Variants in ARHGEF10 observed in about 807,000 individuals in gnomAD.
ARHGEF10 encodes the protein Rho guanine nucleotide exchange factor 10.
Under a neutral mutation model 147.4 loss-of-function variants are expected in ARHGEF10, and 140 were observed. The observed-to-expected ratio is 0.95, with a 90% CI of 0.83 to 1.09. ARHGEF10 has a LOEUF of 1.09. ARHGEF10 is among the 50% of genes least tolerant of loss of function. ARHGEF10 has a pLI of 0.00. For missense variants in ARHGEF10, 2,222 were observed against 1,752.7 expected (o/e 1.27, Z -4.78); for synonymous variants, 902 against 695.8 (o/e 1.30, Z -4.67).
intron 8 of ARHGEF10, among the ~76,000 whole-genome samples, chr8:1,877,165 C>A (rs116825257): frequency 3.3e-5 from 5 of 152,280 alleles, no homozygotes; most frequent in African/African-American, 1.2e-4. Context: ...AAAAGGAAGA[C>A]GTAAAAATAG....
chr8:1,889,927 G>GT (rs1809306887), intron 11 of ARHGEF10, among the ~76,000 whole-genome samples: 12 of 138,004 alleles, frequency 8.7e-5, no homozygotes, highest in African/African-American at 2.8e-4. Context: ...GGCAGTGAGT[G>GT]GGGCGAGGGT....
intron 26 of ARHGEF10, among the ~76,000 whole-genome samples, chr8:1,934,487 A>G (rs1009682500): frequency 2.0e-5 from 3 of 152,248 alleles, no homozygotes; most frequent in African/African-American, 7.2e-5. Flanking sequence ...CTGCTAAGTA[A>G]AAGAAACATT....
At chr8:1,888,555 G>GGTT (rs1809009652) in intron 11 of ARHGEF10, among the ~76,000 whole-genome samples, 1 of 131,378 alleles carries the variant, frequency 7.6e-6, no homozygotes, top group African/African-American at 3.2e-5. Context: ...GTGGGGTGAG[G>GGTT]TATGGGGAGA....
At chr8:1,845,411 C>G (rs896856550) in intron 2 of ARHGEF10, among the ~76,000 whole-genome samples, 4 of 152,218 alleles carry the variant, frequency 2.6e-5, no homozygotes, top group African/African-American at 9.6e-5. Flanking sequence ...GTTGCCTCCC[C>G]TCCTTCCCAC....
chr8:1,849,631 G>A (rs1458594257), intron 2 of ARHGEF10, among the ~76,000 whole-genome samples: 59 of 137,370 alleles, frequency 4.3e-4, no homozygotes, highest in Admixed American at 2.3e-3. Flanking sequence ...TGGGGCAGTC[G>A]TGTGGACACA....
At chr8:1,866,638 C>G in intron 6 of ARHGEF10, 36 bp downstream of exon 6, 1 of 1,586,794 alleles carries the variant, frequency 6.3e-7, no homozygotes, top group Non-Finnish European at 8.6e-7. Flanking sequence ...AGAATCCTCA[C>G]CACGCTCCAC....
At chr8:1,882,274 C>G (rs1808266453) in intron 9 of ARHGEF10, among the ~76,000 whole-genome samples, 1 of 152,316 alleles carries the variant, frequency 6.6e-6, no homozygotes, top group East Asian at 1.9e-4. Flanking sequence ...TGAACTGGAG[C>G]TGTGAGCGTC....
chr8:1,923,828 C>G lies in ARHGEF10; in HGVS notation c.2442C>G (p.Ile814Met). 1 of 1,614,196 alleles carries G rather than the reference C, an allele frequency of 6.2e-7. No homozygotes were observed. The highest frequency in any genetic ancestry group is 8.5e-7 in the Non-Finnish European group (1 of 1,180,038). Reference protein sequence around the residue: ...TAVFNTFTPAIKESWVNSLQM... With the variant: ...TAVFNTFTPAMKESWVNSLQM... Reference sequence around the variant, plus strand: ...TGTTCAATACGTTCACCCCTGCCATCAAGGAGTCCTGGGTCAACAGCTTAC... The same window carrying G: ...TGTTCAATACGTTCACCCCTGCCATGAAGGAGTCCTGGGTCAACAGCTTAC... The change falls in exon 21 of 29, where the codon ATC becomes ATG. Residue 814 changes from isoleucine to methionine, a missense_variant. By Grantham distance (10) the Ile-to-Met change is conservative. Transcript: ENST00000349830.
intron 15 of ARHGEF10, among the ~76,000 whole-genome samples, chr8:1,901,455 A>T (rs1810454298): frequency 6.6e-6 from 1 of 152,228 alleles, no homozygotes; most frequent in Admixed American, 6.5e-5. Flanking sequence ...CTATGCTGGT[A>T]CTGTCAGTTT....
At chr8:1,899,910 A>G (rs1810316441) in intron 15 of ARHGEF10, among the ~76,000 whole-genome samples, 1 of 152,084 alleles carries the variant, frequency 6.6e-6, no homozygotes, top group African/African-American at 2.4e-5. Flanking sequence ...CACAGCTGGG[A>G]GAGTGTCACC....
At chr8:1,854,385 G>C (rs1407116677) in intron 2 of ARHGEF10, among the ~76,000 whole-genome samples, 35 of 152,226 alleles carry the variant, frequency 2.3e-4, no homozygotes, top group Admixed American at 2.3e-3. Flanking sequence ...GCCTCAGGTG[G>C]TTACATTGAG....
chr8:1,834,880 G>A (rs576576346), intron 1 of ARHGEF10, among the ~76,000 whole-genome samples: 15 of 152,358 alleles, frequency 9.8e-5, no homozygotes, highest in South Asian at 8.3e-4. Flanking sequence ...TCCAGAGACC[G>A]CGCAGCCTTG....
chr8:1,940,911 C>G (rs1814038239), intron 26 of ARHGEF10, among the ~76,000 whole-genome samples: 1 of 152,186 alleles, frequency 6.6e-6, no homozygotes, highest in South Asian at 2.1e-4. Context: ...AAGTACTTGA[C>G]ATGATTTATC....
At chr8:1,907,319 C>T (rs149118823) in intron 17 of ARHGEF10, among the ~76,000 whole-genome samples, 371 of 152,304 alleles carry the variant, frequency 2.4e-3, no homozygotes, top group African/African-American at 7.8e-3. Flanking sequence ...GAAGTGGCCC[C>T]ACTGTGGCTG....
chr8:1,933,068 A>C (rs1234251352), intron 25 of ARHGEF10, among the ~76,000 whole-genome samples: 1 of 152,234 alleles, frequency 6.6e-6, no homozygotes, highest in African/African-American at 2.4e-5. Context: ...TACTTGATAT[A>C]AAGTGTGAAA....
chr8:1,932,613 A>T (rs1019146640), intron 25 of ARHGEF10, among the ~76,000 whole-genome samples: 2 of 152,234 alleles, frequency 1.3e-5, no homozygotes, highest in African/African-American at 4.8e-5. Flanking sequence ...AAGGAAAAGC[A>T]AGCCCATGTT....
intron 9 of ARHGEF10, among the ~76,000 whole-genome samples, chr8:1,882,038 C>T (rs1364381484): frequency 1.3e-5 from 2 of 152,186 alleles, no homozygotes; most frequent in Non-Finnish European, 2.9e-5. Context: ...GGCAGGGAGC[C>T]CCAGGCCAGG....
At chr8:1,931,047 G>C (rs1166079815) in intron 25 of ARHGEF10, among the ~76,000 whole-genome samples, 2 of 152,200 alleles carry the variant, frequency 1.3e-5, no homozygotes, top group African/African-American at 4.8e-5. Flanking sequence ...CTTCGGGGTT[G>C]GGCTCTCCCA....
intron 26 of ARHGEF10, among the ~76,000 whole-genome samples, chr8:1,939,283 G>A (rs995708980): frequency 2.6e-5 from 4 of 152,238 alleles, no homozygotes; most frequent in African/African-American, 9.6e-5. Context: ...TCAGTGCTAA[G>A]GTAATACCCA....
Sources: allele counts gnomAD v4.1 joint callset (sites outside exome capture counted in the v4.1 genomes callset), GRCh38; gene constraint gnomAD v4.1.1; transcripts MANE v1.5; gene names NCBI Gene and HGNC (gene_info 2026-07-23, HGNC 2026-07-21).